RASGRF2: variants seen among roughly 807,000 people sequenced by gnomAD.
The protein encoded by RASGRF2 is ras-specific guanine nucleotide-releasing factor 2.
A neutral mutation model predicts 151.0 loss-of-function variants in RASGRF2; 76 were observed. The ratio of observed to expected loss-of-function variants is 0.50; its 90% confidence interval spans 0.42 to 0.61. RASGRF2 has a LOEUF of 0.61. RASGRF2 is among the 20% of genes least tolerant of loss of function. The pLI is 0.00. For missense variants in RASGRF2, 1,148 were observed against 1,564.6 expected (o/e 0.73, Z 4.49); for synonymous variants, 504 against 566.5 (o/e 0.89, Z 1.57).
At chr5:81,144,745 G>A (rs1753965049) in intron 17 of RASGRF2, among the ~76,000 whole-genome samples, 1 of 152,194 alleles carries the variant, frequency 6.6e-6, no homozygotes, top group Admixed American at 6.5e-5. Flanking sequence ...AACTTATTGT[G>A]AAGTAGTTAA....
intron 17 of RASGRF2, among the ~76,000 whole-genome samples, chr5:81,131,531 T>A (rs1753618718): frequency 6.6e-6 from 1 of 152,042 alleles, no homozygotes. Context: ...ATTTTTGTAT[T>A]TTTAGTAGAG....
At chr5:81,188,992 A>C (rs1309590977) in intron 18 of RASGRF2, among the ~76,000 whole-genome samples, 1 of 152,226 alleles carries the variant, frequency 6.6e-6, no homozygotes, top group Non-Finnish European at 1.5e-5. Flanking sequence ...CCTGTTTCTC[A>C]ATCTTTCCTT....
At chr5:81,159,989 G>A (rs559218933) in intron 17 of RASGRF2, among the ~76,000 whole-genome samples, 200 of 152,268 alleles carry the variant, frequency 1.3e-3, no homozygotes, top group Non-Finnish European at 2.6e-3. Context: ...GAAAATCCTA[G>A]TTAGAACTAC....
chr5:81,091,245 CTTGCTCA>C (rs1752379927), intron 9 of RASGRF2, among the ~76,000 whole-genome samples: 1 of 152,220 alleles, frequency 6.6e-6, no homozygotes, highest in South Asian at 2.1e-4. Context: ...GCTGCTATGA[CTTGCTCA>C]TAGACTTCCC....
chr5:80,968,818 G>A (rs1747808443), intron 1 of RASGRF2, among the ~76,000 whole-genome samples: 1 of 151,934 alleles, frequency 6.6e-6, no homozygotes, highest in Non-Finnish European at 1.5e-5. Context: ...CAAGTAGTTG[G>A]GACTACAAAT....
At chr5:81,148,072 A>G (rs1754045706) in intron 17 of RASGRF2, among the ~76,000 whole-genome samples, 1 of 152,082 alleles carries the variant, frequency 6.6e-6, no homozygotes, top group African/African-American at 2.4e-5. Flanking sequence ...TTTTTTCTGT[A>G]CTAGCATTAT....
In RASGRF2 at chr5:81,141,046, A is replaced by G. The variant is rs570092564; in HGVS notation, c.2686+13883A>G. ...TTTATGTGAAATTTTCTGTTTTGAA[A>G]TGTTGGAAGTGAATTCACACTCTTT... On this transcript the variant is annotated intron_variant, in intron 17 of 26. Coordinates refer to ENST00000265080, the MANE Select transcript of RASGRF2 (RefSeq NM_006909.3). 5.3e-5 allele frequency among the ~76,000 whole-genome samples: 8 copies of G among 152,120 alleles called. No homozygotes were observed. In the East Asian group the frequency reaches 1.4e-3, roughly 26 times the overall value.
chr5:81,208,486 A>C, intron 22 of RASGRF2, 48 bp downstream of exon 22: 2 of 1,282,104 alleles, frequency 1.6e-6, no homozygotes, highest in Non-Finnish European at 2.2e-6. Context: ...AAGAAGATGG[A>C]TATTGGGGTC....
At chr5:81,118,833 C>A (rs1392204860) in intron 15 of RASGRF2, among the ~76,000 whole-genome samples, 1 of 152,196 alleles carries the variant, frequency 6.6e-6, no homozygotes, top group African/African-American at 2.4e-5. Flanking sequence ...CTCTGAAGTT[C>A]TACCTTCCAT....
chr5:81,110,657 A>G (rs1752968537), intron 13 of RASGRF2, among the ~76,000 whole-genome samples: 2 of 152,204 alleles, frequency 1.3e-5, no homozygotes, highest in East Asian at 1.9e-4. Context: ...TCTTTTAATA[A>G]TACTTGATCT....
intron 1 of RASGRF2, among the ~76,000 whole-genome samples, chr5:81,015,758 C>A (rs1017141370): frequency 1.3e-5 from 2 of 152,258 alleles, no homozygotes; most frequent in Admixed American, 1.3e-4. Flanking sequence ...GGGCTTCCAT[C>A]TCTGAGTGTT....
At chr5:81,044,416 T>TA (rs897750177) in intron 2 of RASGRF2, among the ~76,000 whole-genome samples, 7 of 150,982 alleles carry the variant, frequency 4.6e-5, no homozygotes, top group South Asian at 4.2e-4. Flanking sequence ...AGACTCCATC[T>TA]AAAAAAAAAC....
intron 9 of RASGRF2, among the ~76,000 whole-genome samples, chr5:81,090,345 G>C (rs951546241): frequency 1.3e-5 from 2 of 152,192 alleles, no homozygotes; most frequent in Non-Finnish European, 2.9e-5. Flanking sequence ...AATTATTAGA[G>C]AGACCGATGA....
rs1749778221 is a variant in RASGRF2 at position 81,020,137 on chromosome 5, C to T, written c.289-22740C>T. ...CAATAAGACCCAGACCTTTGCATTT[C>T]CTAGAGGTATTGATTTTGTTGTCTT... On this transcript the variant is annotated intron_variant, in intron 1 of 26. Coordinates refer to ENST00000265080, the MANE Select transcript of RASGRF2 (RefSeq NM_006909.3). 2.0e-5 allele frequency among the ~76,000 whole-genome samples: 3 copies of T among 152,228 alleles called. No homozygotes were observed. The South Asian group carries it at 6.2e-4, about 32-fold the overall frequency.
chr5:81,105,661 A>G lies in RASGRF2; in HGVS notation c.1756-3335A>G, dbSNP rs570937657. Among the ~76,000 whole-genome samples, 13 of 152,330 alleles carry G rather than the reference A, an allele frequency of 8.5e-5. 1 individual carries two copies. Among genetic ancestry groups the G allele is most frequent in the African/African-American group, 3.1e-4 (13 of 41,592 alleles). The stretch of plus-strand genomic sequence containing the variant: ...TCCCACTTCCTGTGTTGGTTACCCA[A>G]GGGGCTTCCTCAGTGTGATTCAGAA... On this transcript the variant is annotated intron_variant, in intron 12 of 26. Coordinates refer to ENST00000265080, the MANE Select transcript of RASGRF2 (RefSeq NM_006909.3).
chr5:81,022,512 G>A (rs547737539), intron 1 of RASGRF2, among the ~76,000 whole-genome samples: 3 of 152,294 alleles, frequency 2.0e-5, no homozygotes, highest in Admixed American at 2.0e-4. Context: ...AGCCCCTGAG[G>A]GAAGTGGCAC....
At chr5:80,999,017 C>A (rs1748989299) in intron 1 of RASGRF2, among the ~76,000 whole-genome samples, 1 of 152,120 alleles carries the variant, frequency 6.6e-6, no homozygotes, top group African/African-American at 2.4e-5. Flanking sequence ...TTTGCTAGCC[C>A]CTCGTTATTG....
chr5:81,177,718 T>C (rs191826944), intron 17 of RASGRF2, among the ~76,000 whole-genome samples: 1 of 151,744 alleles, frequency 6.6e-6, no homozygotes, highest in Non-Finnish European at 1.5e-5. Context: ...TGTGGTGCCG[T>C]GAGATATGTA....
intron 18 of RASGRF2, 67 bp from the exon 19 acceptor site, chr5:81,201,263 G>C: frequency 6.5e-7 from 1 of 1,527,996 alleles, no homozygotes; most frequent in Admixed American, 2.1e-5. Context: ...CATGGAGAAT[G>C]GTGTCATGTG....
Sources: allele counts gnomAD v4.1 joint callset (sites outside exome capture counted in the v4.1 genomes callset), GRCh38; gene constraint gnomAD v4.1.1; transcripts MANE v1.5; gene names NCBI Gene and HGNC (gene_info 2026-07-23, HGNC 2026-07-21).